The following SHROOM4 variants were observed in gnomAD, a reference collection of about 807,000 sequenced individuals.
The protein encoded by SHROOM4 is shroom family member 4.
In SHROOM4, 17 loss-of-function variants were observed where a neutral mutation model predicts 80.3. That is an observed-to-expected ratio of 0.21 (90% CI 0.14 to 0.32). The LOEUF is 0.32. Ranked by LOEUF, SHROOM4 falls within the 10% of genes least tolerant of loss-of-function variation. The probability of loss-of-function intolerance (pLI) is 1.00; values close to 1 mark genes in which losing one functional copy is unlikely to be tolerated. For synonymous variants in SHROOM4, 400 were observed against 437.5 expected (o/e 0.91, Z 1.07); for missense variants, 993 against 1,140.3 (o/e 0.87, Z 1.86).
chrX:50,576,458 G>A, the SHROOM4 span, among the ~76,000 whole-genome samples: 1 of 111,683 alleles, frequency 9.0e-6, no homozygotes. Flanking sequence ...GTCCTCCTAC[G>A]GTTGCTTCTT....
At chrX:50,721,910 C>T (rs1220452891) in intron 1 of SHROOM4, among the ~76,000 whole-genome samples, 1 of 111,120 alleles carries the variant, frequency 9.0e-6, no homozygotes, top group African/African-American at 3.3e-5. Context: ...ATTTTCTAAG[C>T]TGGCAGCTTT....
At chrX:50,729,537 G>A (rs1934318395) in intron 1 of SHROOM4, among the ~76,000 whole-genome samples, 1 of 110,976 alleles carries the variant, frequency 9.0e-6, no homozygotes, top group Non-Finnish European at 1.9e-5. Flanking sequence ...TATATTACAA[G>A]TACCATAAGG....
At chrX:50,759,979 T>C (rs1935117335) in intron 1 of SHROOM4, among the ~76,000 whole-genome samples, 2 of 111,718 alleles carry the variant, frequency 1.8e-5, no homozygotes, top group South Asian at 7.5e-4. Flanking sequence ...TGGCCTAGCA[T>C]ATGGGTCTAT....
At chrX:50,715,865 CAAAAAAA>C (rs201814516) in intron 1 of SHROOM4, among the ~76,000 whole-genome samples, 1 of 84,681 alleles carries the variant, frequency 1.2e-5, no homozygotes, top group Non-Finnish European at 2.4e-5. Flanking sequence ...GTATATATTC[CAAAAAAA>C]AAAAAAAGGA....
At chrX:50,813,832 G>A (rs1434538608) in intron 1 of SHROOM4, 70 bp downstream of exon 1, 17 of 860,586 alleles carry the variant, frequency 2.0e-5, no homozygotes, top group Non-Finnish European at 3.4e-6. Flanking sequence ...GCCCCGTCCA[G>A]CGGCAGCCTT....
intron 1 of SHROOM4, among the ~76,000 whole-genome samples, chrX:50,750,876 G>A (rs782138475): frequency 8.9e-6 from 1 of 111,875 alleles, no homozygotes; most frequent in South Asian, 3.8e-4. Context: ...CTTGATTAAG[G>A]TTGTCCTAAA....
At chrX:50,758,378 G>A (rs1935082132) in intron 1 of SHROOM4, among the ~76,000 whole-genome samples, 1 of 111,867 alleles carries the variant, frequency 8.9e-6, no homozygotes, top group Non-Finnish European at 1.9e-5. Flanking sequence ...TCAGCTTAAG[G>A]AAATTCCCTT....
intron 2 of SHROOM4, among the ~76,000 whole-genome samples, chrX:50,678,625 C>T (rs1932886414): frequency 9.0e-6 from 1 of 111,649 alleles, no homozygotes; most frequent in South Asian, 3.7e-4. Flanking sequence ...TACAGAAGTA[C>T]TTCCTCAGTG....
chrX:50,690,099 G>A (rs1382044305), intron 2 of SHROOM4, among the ~76,000 whole-genome samples: 1 of 111,837 alleles, frequency 8.9e-6, no homozygotes, highest in East Asian at 2.8e-4. Flanking sequence ...TGTCCCTAAA[G>A]TATTTTTGGA....
At chrX:50,763,846 A>T (rs141406607) in intron 1 of SHROOM4, among the ~76,000 whole-genome samples, 1 of 111,120 alleles carries the variant, frequency 9.0e-6, no homozygotes, top group African/African-American at 3.3e-5. Flanking sequence ...CTTTTGAGTC[A>T]ATGCAGTGTA....
At chrX:50,660,664 G>A (rs994067612) in intron 2 of SHROOM4, among the ~76,000 whole-genome samples, 138 of 102,449 alleles carry the variant, frequency 1.3e-3, no homozygotes, top group African/African-American at 4.8e-3. Context: ...TGCCCAGGCT[G>A]GAGTGCAGGG....
intron 6 of SHROOM4, among the ~76,000 whole-genome samples, chrX:50,603,910 C>T (rs893161345): frequency 9.0e-6 from 1 of 111,641 alleles, no homozygotes; most frequent in Non-Finnish European, 1.9e-5. Flanking sequence ...CCCGCCCTCA[C>T]TATATTCTCA....
chrX:50,711,737 A>G (rs1356242049), intron 1 of SHROOM4, among the ~76,000 whole-genome samples: 3 of 112,369 alleles, frequency 2.7e-5, no homozygotes, highest in South Asian at 3.7e-4. Context: ...ATGGGTATAT[A>G]TAAGTGTTTA....
chrX:50,765,783 TG>T (rs782140706), intron 1 of SHROOM4, among the ~76,000 whole-genome samples: 3 of 111,927 alleles, frequency 2.7e-5, no homozygotes, highest in Non-Finnish European at 5.6e-5. Context: ...AAATCTATGC[TG>T]ATCATGGCAC....
At chrX:50,576,411 CCCTAGCCAGT>C in the SHROOM4 span, among the ~76,000 whole-genome samples, 140 of 111,608 alleles carry the variant, frequency 1.3e-3, 1 homozygote, top group Non-Finnish European at 1.6e-3. Flanking sequence ...GTACTGGGGT[CCCTAGCCAGT>C]CCATCTTCCT....
At chrX:50,746,623 A>G (rs1418912922) in intron 1 of SHROOM4, among the ~76,000 whole-genome samples, 1 of 112,013 alleles carries the variant, frequency 8.9e-6, no homozygotes, top group African/African-American at 3.2e-5. Context: ...GTGTAAGAAA[A>G]GCCTTAGGAT....
At chrX:50,606,462 G>A (rs929584128) in intron 6 of SHROOM4, among the ~76,000 whole-genome samples, 1 of 110,734 alleles carries the variant, frequency 9.0e-6, no homozygotes, top group African/African-American at 3.3e-5. Flanking sequence ...CCTGCCTCCC[G>A]AACCTCAGCC....
At chrX:50,777,597 A>C (rs1002963115) in intron 1 of SHROOM4, among the ~76,000 whole-genome samples, 19 of 112,068 alleles carry the variant, frequency 1.7e-4, no homozygotes, top group African/African-American at 6.2e-4. Flanking sequence ...TAATAAATTA[A>C]GTGGAAGAAC....
chrX:50,656,698 T>C (rs1300954510), intron 2 of SHROOM4, among the ~76,000 whole-genome samples: 1 of 110,699 alleles, frequency 9.0e-6, no homozygotes, highest in Non-Finnish European at 1.9e-5. Flanking sequence ...CCTCCAGCTT[T>C]TTTTTTTTCC....
Sources: gnomAD v4.1 joint callset for allele counts (sites outside exome capture counted in the v4.1 genomes callset) on GRCh38, gnomAD v4.1.1 for gene constraint, MANE v1.5 for transcripts, NCBI Gene and HGNC (gene_info 2026-07-23, HGNC 2026-07-21) for gene names.